CYP27A1: variants seen among roughly 807,000 people sequenced by gnomAD.
The protein encoded by CYP27A1 is sterol 26-hydroxylase, mitochondrial.
CYP27A1 carries 46 observed loss-of-function variants against 58.2 expected under a neutral mutation model. The observed-to-expected ratio is 0.79, with a 90% CI of 0.62 to 1.01. The LOEUF (loss-of-function observed/expected upper bound fraction) is 1.01. Among genes scored for constraint, CYP27A1 ranks in the 50% least tolerant of loss-of-function variants. CYP27A1 has a pLI of 0.00. For missense variants in CYP27A1, 704 were observed against 687.0 expected (o/e 1.02, Z -0.28); for synonymous variants, 274 against 285.1 (o/e 0.96, Z 0.39).
At chr2:218,798,704 G>A (rs1943569599) in intron 1 of CYP27A1, among the ~76,000 whole-genome samples, 1 of 152,062 alleles carries the variant, frequency 6.6e-6, no homozygotes, top group Admixed American at 6.5e-5. Flanking sequence ...GCAACATGGC[G>A]AAACCCTGTC....
chr2:218,787,613 T>C (rs978777886), intron 1 of CYP27A1, among the ~76,000 whole-genome samples: 2 of 152,118 alleles, frequency 1.3e-5, no homozygotes, highest in African/African-American at 4.8e-5. Flanking sequence ...TAAGAGGTGA[T>C]TGGAATGATT....
At chr2:218,796,678 T>C (rs577188443) in intron 1 of CYP27A1, among the ~76,000 whole-genome samples, 18 of 152,258 alleles carry the variant, frequency 1.2e-4, no homozygotes, top group African/African-American at 3.4e-4. Flanking sequence ...ACAAACATGC[T>C]CCAAGTTTTG....
intron 1 of CYP27A1, among the ~76,000 whole-genome samples, chr2:218,801,979 C>CTTTT (rs10630235): frequency 0.47 from 60,859 of 129,972 alleles, 14,242 homozygotes; most frequent in Non-Finnish European, 0.5. Flanking sequence ...TGCTAGCAGG[C>CTTTT]TTTTTTTTTT....
intron 1 of CYP27A1, among the ~76,000 whole-genome samples, chr2:218,809,159 G>T (rs1303817756): frequency 6.6e-6 from 1 of 150,930 alleles, no homozygotes; most frequent in East Asian, 1.9e-4. Context: ...ACAGCAAGCT[G>T]CAGTAGATTT....
At chr2:218,805,583 G>T (rs1943643269) in intron 1 of CYP27A1, among the ~76,000 whole-genome samples, 1 of 119,088 alleles carries the variant, frequency 8.4e-6, no homozygotes, top group Admixed American at 8.3e-5. Flanking sequence ...GGTCTTTTAT[G>T]CTGTGCTTAC....
intron 1 of CYP27A1, among the ~76,000 whole-genome samples, chr2:218,788,773 C>A (rs1360039220): frequency 6.6e-6 from 1 of 152,196 alleles, no homozygotes; most frequent in South Asian, 2.1e-4. Context: ...ATTTTGTTAA[C>A]ACCACTCCCA....
At chr2:218,807,033 T>C (rs539329654) in intron 1 of CYP27A1, among the ~76,000 whole-genome samples, 2 of 142,400 alleles carry the variant, frequency 1.4e-5, no homozygotes, top group Admixed American at 1.5e-4. Flanking sequence ...CTTGGCTCAC[T>C]GTAACCTCCT....
At chr2:218,812,452 G>C in intron 3 of CYP27A1, 31 bp downstream of exon 3, 1 of 1,613,408 alleles carries the variant, frequency 6.2e-7, no homozygotes, top group South Asian at 1.1e-5. Context: ...GCTGGGGAAG[G>C]GAATGGGTCA....
Position 218,814,653 on chromosome 2 carries a change from C to T in CYP27A1, c.1372C>T (p.Pro458Ser), listed in dbSNP as rs1347451222. 2 of 1,614,244 alleles carry T rather than the reference C, an allele frequency of 1.2e-6. No individual in the cohort carries two copies. Among genetic ancestry groups the T allele is most frequent in the African/African-American group, 1.3e-5 (1 of 75,064 alleles). Residue 458 changes from proline (P) to serine (S), a missense_variant, in exon 8 of 9, where the codon CCC becomes TCC. Coordinates refer to ENST00000258415, the MANE Select transcript of CYP27A1 (RefSeq NM_000784.4). ...RWLRNSQPAT[P>S]RIQHPFGSVP... ...GCTGAGAAACAGCCAGCCTGCTACC[C>T]CCAGGATCCAGCACCCATTTGGCTC...
intron 1 of CYP27A1, among the ~76,000 whole-genome samples, chr2:218,803,645 A>C (rs951808365): frequency 6.8e-6 from 1 of 146,458 alleles, no homozygotes; most frequent in Admixed American, 6.8e-5. Context: ...GATGGTCTCG[A>C]TCTCTTGACA....
At chr2:218,791,446 C>A (rs373652884) in intron 1 of CYP27A1, among the ~76,000 whole-genome samples, 6 of 152,206 alleles carry the variant, frequency 3.9e-5, no homozygotes, top group East Asian at 1.9e-4. Context: ...ACAACAGACC[C>A]CCTTTTCACT....
intron 2 of CYP27A1, among the ~76,000 whole-genome samples, 199 bp from the exon 3 acceptor site, chr2:218,812,023 G>T (rs537410997): frequency 6.6e-6 from 1 of 152,284 alleles, no homozygotes; most frequent in Admixed American, 6.5e-5. Flanking sequence ...CTTCCACTCT[G>T]CTATAGCGAG....
At chr2:218,792,565 C>T (rs1279007016) in intron 1 of CYP27A1, among the ~76,000 whole-genome samples, 1 of 152,068 alleles carries the variant, frequency 6.6e-6, no homozygotes, top group African/African-American at 2.4e-5. Context: ...TCATGAACCT[C>T]CTTAAAGACA....
chr2:218,804,709 C>A (rs967354591), intron 1 of CYP27A1, among the ~76,000 whole-genome samples: 3 of 152,204 alleles, frequency 2.0e-5, no homozygotes, highest in Admixed American at 6.5e-5. Context: ...TCTTTAATTT[C>A]CTTCAGCAGT....
At position 218,782,912 on chromosome 2, in the gene CYP27A1, C is replaced by G. The variant is rs1173431605; in HGVS notation, c.255+475C>G. Among the ~76,000 whole-genome samples, 3 of 152,078 alleles carry G rather than the reference C, an allele frequency of 2.0e-5. No homozygotes were observed. Among genetic ancestry groups the G allele is most frequent in the Non-Finnish European group, 4.4e-5 (3 of 68,018 alleles). ...GAAAACACAATGCTGCATCTCAGAT[C>G]GTGGAAGCAAACTCACAGACAGTAA... On this transcript the variant is annotated intron_variant, in intron 1 of 8. Transcript: ENST00000258415. This position sits in a 1 kb window ranked among gnomAD's most constrained non-coding sequence, Gnocchi z 4.1.
chr2:218,787,566 C>T (rs771227009), intron 1 of CYP27A1, among the ~76,000 whole-genome samples: 2 of 152,080 alleles, frequency 1.3e-5, no homozygotes, highest in Admixed American at 6.6e-5. Context: ...GTTGGAAACT[C>T]GATCTCCAAT....
chr2:218,783,607 T>C (rs1288973776), intron 1 of CYP27A1, among the ~76,000 whole-genome samples: 1 of 152,222 alleles, frequency 6.6e-6, no homozygotes, highest in African/African-American at 2.4e-5. Flanking sequence ...TAAATGCTCC[T>C]CTGAAGAAGA....
intron 1 of CYP27A1, among the ~76,000 whole-genome samples, chr2:218,804,570 T>A (rs1943632447): frequency 6.6e-6 from 1 of 152,242 alleles, no homozygotes; most frequent in Non-Finnish European, 1.5e-5. Flanking sequence ...GTTTTCCATT[T>A]CTGCAAAAAG....
chr2:218,794,597 C>T (rs565007007), intron 1 of CYP27A1, among the ~76,000 whole-genome samples: 1 of 152,274 alleles, frequency 6.6e-6, no homozygotes, highest in South Asian at 2.1e-4. Context: ...AAACTTTACC[C>T]TTTTGCCGGC....
Sources: allele counts gnomAD v4.1 joint callset (sites outside exome capture counted in the v4.1 genomes callset), GRCh38; gene constraint gnomAD v4.1.1; non-coding constraint Gnocchi (gnomAD v3.1); transcripts MANE v1.5; gene names NCBI Gene and HGNC (gene_info 2026-07-23, HGNC 2026-07-21).